Variants in TSPAN5 observed in about 807,000 individuals in gnomAD.
The protein encoded by TSPAN5 is tetraspanin 5.
A neutral mutation model predicts 37.1 loss-of-function variants in TSPAN5; 10 were observed. The ratio of observed to expected loss-of-function variants is 0.27; its 90% CI spans 0.17 to 0.46. The LOEUF is 0.46. Among genes scored for constraint, TSPAN5 ranks in the 20% least tolerant of loss-of-function variants. TSPAN5 has a pLI of 1.00. For synonymous variants in TSPAN5, 110 were observed against 118.9 expected (o/e 0.93, Z 0.48); for missense variants, 195 against 326.6 (o/e 0.60, Z 3.11).
chr4:98,566,697 G>A (rs1446402529), intron 1 of TSPAN5, among the ~76,000 whole-genome samples: 1 of 152,206 alleles, frequency 6.6e-6, no homozygotes, highest in Non-Finnish European at 1.5e-5. Flanking sequence ...GGATGCTGTG[G>A]AGGAGGGCGG....
rs2110226120 is a variant in TSPAN5, at chr4:98,605,460, C to A, written c.81+52686G>T. Among the ~76,000 whole-genome samples, 3 of 152,278 alleles carry A rather than the reference C, an allele frequency of 2.0e-5. No homozygotes were observed. The Middle Eastern group carries it at 0.01, about 518-fold the overall frequency. ...AGAGCAGAGACATACCTCTGCCCTG[C>A]CCTACCTCCTAATTCAGCAGTCACT... On this transcript the variant is annotated intron_variant, in intron 1 of 7. Transcript: ENST00000305798.
At chr4:98,499,657 C>CTTTTTT (rs757802654) in intron 2 of TSPAN5, among the ~76,000 whole-genome samples, 6 of 108,080 alleles carry the variant, frequency 5.6e-5, no homozygotes, top group South Asian at 3.2e-4. Flanking sequence ...GTTTCCAGCT[C>CTTTTTT]TTTTTTTTTT....
intron 1 of TSPAN5, among the ~76,000 whole-genome samples, chr4:98,565,736 C>G (rs1051596843): frequency 2.6e-5 from 4 of 152,126 alleles, no homozygotes; most frequent in African/African-American, 9.7e-5. Flanking sequence ...CTGAGAGTCA[C>G]ATAAGTAGAT....
chr4:98,645,188 T>C (rs1757037658), intron 1 of TSPAN5, among the ~76,000 whole-genome samples: 1 of 152,170 alleles, frequency 6.6e-6, no homozygotes, highest in African/African-American at 2.4e-5. Flanking sequence ...TGTCGAACAC[T>C]TGCTACACTT....
chr4:98,486,590 G>T, intron 3 of TSPAN5, 148 bp downstream of exon 3: 1 of 810,594 alleles, frequency 1.2e-6, no homozygotes, highest in Non-Finnish European at 2.0e-6. Flanking sequence ...CAGGGCTAGA[G>T]AGCTCTCTCA....
intron 2 of TSPAN5, among the ~76,000 whole-genome samples, chr4:98,504,411 T>C (rs535670955): frequency 4.0e-5 from 6 of 150,990 alleles, no homozygotes; most frequent in Non-Finnish European, 5.9e-5. Context: ...GAGAGAGCAG[T>C]CTCTGCAGTT....
rs1360953625 is a variant in TSPAN5 at position 98,478,721 on chromosome 4, A to G, written c.540T>C (p.Cys180=). The G allele has an allele frequency of 6.2e-7, 1 of 1,614,192 alleles. No homozygotes were observed. The highest frequency in any genetic ancestry group is 1.7e-5 in the Admixed American group (1 of 60,020). ...TAGTGCAGCAGGAGAATGGAACGCCACATCGCTCTCGACTTGCATTGGAAT... is the reference window on the plus strand; with the variant it reads ...TAGTGCAGCAGGAGAATGGAACGCCGCATCGCTCTCGACTTGCATTGGAAT... The part of the protein sequence containing the change: ...CTDSNASRER[C]GVPFSCCTKD... The change falls in exon 5 of 8, where the codon TGT becomes TGC. Residue 180 remains cysteine (C), a synonymous_variant. Transcript: ENST00000305798.
chr4:98,568,532 A>G (rs1755055924), intron 1 of TSPAN5, among the ~76,000 whole-genome samples: 1 of 151,254 alleles, frequency 6.6e-6, no homozygotes, highest in Admixed American at 6.6e-5. Context: ...ACAGTCCCCC[A>G]CCCCCAGCCC....
chr4:98,544,509 T>G (rs1754426557), intron 1 of TSPAN5, among the ~76,000 whole-genome samples: 1 of 152,124 alleles, frequency 6.6e-6, no homozygotes, highest in Non-Finnish European at 1.5e-5. Context: ...AGCCAGAGAA[T>G]GAAAGAAAAG....
intron 1 of TSPAN5, among the ~76,000 whole-genome samples, chr4:98,579,121 AC>A (rs1485460626): frequency 6.6e-6 from 1 of 152,046 alleles, no homozygotes; most frequent in Non-Finnish European, 1.5e-5. Context: ...AACAGGTGCT[AC>A]CCGTACACCT....
chr4:98,505,129 C>A (rs867414380), intron 2 of TSPAN5, among the ~76,000 whole-genome samples: 8 of 152,166 alleles, frequency 5.3e-5, no homozygotes, highest in Middle Eastern at 3.4e-3. Flanking sequence ...GGGATGAGGG[C>A]CTCAGCATAT....
At chr4:98,555,548 GC>G (rs1754722316) in intron 1 of TSPAN5, among the ~76,000 whole-genome samples, 1 of 152,006 alleles carries the variant, frequency 6.6e-6, no homozygotes, top group Admixed American at 6.6e-5. Flanking sequence ...TAGGCTGTAT[GC>G]ATCATGAGAA....
intron 1 of TSPAN5, among the ~76,000 whole-genome samples, chr4:98,539,644 C>T (rs1754315835): frequency 1.3e-5 from 2 of 152,056 alleles, no homozygotes; most frequent in Non-Finnish European, 2.9e-5. Flanking sequence ...TGGGCAAAAA[C>T]TTATGTAATT....
In TSPAN5 at chr4:98,588,925, T is replaced by C. The variant is rs540895251; in HGVS notation, c.81+69221A>G. On this transcript the variant is annotated intron_variant, in intron 1 of 7. Coordinates refer to ENST00000305798, the MANE Select transcript of TSPAN5 (RefSeq NM_005723.4). ...TCATTTTATCCTTTTGATAAAAGGA[T>C]AGATTAACAACCCTAGAAAGCTGGC... Among the ~76,000 whole-genome samples, 49 of 152,316 alleles carry C rather than the reference T, an allele frequency of 3.2e-4. 1 individual carries two copies. The South Asian group carries it at 8.9e-3, about 28-fold the overall frequency.
intron 1 of TSPAN5, among the ~76,000 whole-genome samples, chr4:98,509,108 G>C (rs1753547502): frequency 6.6e-6 from 1 of 152,170 alleles, no homozygotes; most frequent in African/African-American, 2.4e-5. Flanking sequence ...ATTATCAATA[G>C]CAACTCTCAA....
At chr4:98,546,145 G>T (rs962190856) in intron 1 of TSPAN5, among the ~76,000 whole-genome samples, 3 of 152,178 alleles carry the variant, frequency 2.0e-5, no homozygotes, top group Admixed American at 2.0e-4. Flanking sequence ...GATTCAGAGA[G>T]GTTAAGAAAC....
At chr4:98,602,954 G>A (rs1463634716) in intron 1 of TSPAN5, among the ~76,000 whole-genome samples, 1 of 152,194 alleles carries the variant, frequency 6.6e-6, no homozygotes, top group Non-Finnish European at 1.5e-5. Context: ...GAAGGTGGCT[G>A]TATGCTGTAA....
At chr4:98,484,646 A>G (rs1289501299) in intron 3 of TSPAN5, 1 of 444,210 alleles carries the variant, frequency 2.3e-6, no homozygotes, top group Non-Finnish European at 4.5e-6. Flanking sequence ...CTATAAATGA[A>G]ACTATATTAA....
At chr4:98,516,861 T>C (rs1390675500) in intron 1 of TSPAN5, among the ~76,000 whole-genome samples, 1 of 152,208 alleles carries the variant, frequency 6.6e-6, no homozygotes, top group South Asian at 2.1e-4. Context: ...TTGATCCCTC[T>C]TTGCACGTGT....
Sources: gnomAD v4.1 joint callset for allele counts (sites outside exome capture counted in the v4.1 genomes callset) on GRCh38, gnomAD v4.1.1 for gene constraint, MANE v1.5 for transcripts, NCBI Gene and HGNC (gene_info 2026-07-23, HGNC 2026-07-21) for gene names.